The following NBEA variants were observed in gnomAD, a reference collection of about 807,000 sequenced individuals.
NBEA encodes lysosomal-trafficking regulator 2.
Under a neutral mutation model 343.4 loss-of-function variants are expected in NBEA, and 44 were observed. That is an observed-to-expected ratio of 0.13 (90% CI 0.10 to 0.16). The LOEUF is 0.16. Among genes scored for constraint, NBEA ranks in the 10% least tolerant of loss-of-function variants. NBEA has a pLI of 1.00. For synonymous variants in NBEA, 1,175 were observed against 1,238.7 expected, an observed-to-expected ratio of 0.95 and a Z score of 1.08; for missense variants, 2,555 against 3,631.3, an observed-to-expected ratio of 0.70 and a Z score of 7.62.
chr13:35,217,543 G>C (rs1303651860), intron 33 of NBEA, among the ~76,000 whole-genome samples: 1 of 152,022 alleles, frequency 6.6e-6, no homozygotes, highest in African/African-American at 2.4e-5. Flanking sequence ...GCTGATGTCT[G>C]TGTAAGGTGT....
chr13:35,056,713 G>A (rs1159803647), intron 7 of NBEA, among the ~76,000 whole-genome samples: 2 of 152,034 alleles, frequency 1.3e-5, no homozygotes, highest in East Asian at 1.9e-4. Context: ...GGAGGAAGAG[G>A]CAAAATAATA....
intron 40 of NBEA, among the ~76,000 whole-genome samples, chr13:35,452,602 T>C (rs1427150928): frequency 6.6e-6 from 1 of 152,166 alleles, no homozygotes; most frequent in Non-Finnish European, 1.5e-5. Flanking sequence ...GCCAAGGTCC[T>C]TTTCCCAGGT....
At chr13:35,449,680 A>C (rs995685892) in intron 39 of NBEA, among the ~76,000 whole-genome samples, 1 of 152,178 alleles carries the variant, frequency 6.6e-6, no homozygotes, top group African/African-American at 2.4e-5. Flanking sequence ...ATCACCAAAA[A>C]TCAAATAGAA....
chr13:35,377,114 T>A (rs1379124837), intron 38 of NBEA, among the ~76,000 whole-genome samples: 1 of 152,162 alleles, frequency 6.6e-6, no homozygotes, highest in Non-Finnish European at 1.5e-5. Context: ...GTTGGTTAGT[T>A]TTAAAATTTT....
intron 45 of NBEA, among the ~76,000 whole-genome samples, chr13:35,574,461 G>T (rs1465871725): frequency 6.6e-6 from 1 of 151,970 alleles, no homozygotes; most frequent in Admixed American, 6.5e-5. Flanking sequence ...CAGTAAGAAT[G>T]AGTTCTTTTA....
intron 33 of NBEA, among the ~76,000 whole-genome samples, chr13:35,223,092 A>G (rs1416042128): frequency 6.6e-6 from 1 of 152,220 alleles, no homozygotes; most frequent in Non-Finnish European, 1.5e-5. Context: ...AGACTGTGCC[A>G]CTGCACTCTA....
intron 41 of NBEA, among the ~76,000 whole-genome samples, chr13:35,484,267 TGTGTGTGTA>T (rs1400724211): frequency 3.7e-5 from 5 of 135,754 alleles, no homozygotes; most frequent in Admixed American, 7.7e-5. Context: ...TGTGTGTGTG[TGTGTGTGTA>T]TATATATATA....
chr13:35,434,955 T>G (rs2045339411), intron 39 of NBEA, among the ~76,000 whole-genome samples: 2 of 152,202 alleles, frequency 1.3e-5, no homozygotes, highest in South Asian at 4.1e-4. Flanking sequence ...AAGGAAAGAC[T>G]GAGAAAATAT....
At chr13:35,487,861 G>C (rs1947712) in intron 41 of NBEA, among the ~76,000 whole-genome samples, 148,802 of 151,894 alleles carry the variant, frequency 0.98, 72,963 homozygotes, top group East Asian at 1. Context: ...CTGTTCAGGA[G>C]CCATTCTGGT....
chr13:35,067,277 A>G (rs556885563), intron 8 of NBEA, among the ~76,000 whole-genome samples: 1 of 152,188 alleles, frequency 6.6e-6, no homozygotes, highest in East Asian at 1.9e-4. Context: ...TACCACTTGG[A>G]GTCGTTTCCT....
intron 1 of NBEA, among the ~76,000 whole-genome samples, chr13:35,034,695 A>G (rs2062373778): frequency 6.6e-6 from 1 of 151,738 alleles, no homozygotes. Context: ...TTTTATTACA[A>G]CTTCAGTCTT....
chr13:35,617,416 C>T (rs189010407), intron 48 of NBEA, among the ~76,000 whole-genome samples: 46 of 152,226 alleles, frequency 3.0e-4, no homozygotes, highest in African/African-American at 1.1e-3. Context: ...TTGAAAAGTG[C>T]TTATTGTTTC....
intron 38 of NBEA, among the ~76,000 whole-genome samples, chr13:35,369,802 G>A (rs1169991281): frequency 6.6e-6 from 1 of 151,898 alleles, no homozygotes; most frequent in East Asian, 1.9e-4. Flanking sequence ...AAGAAGGATG[G>A]TTTGATTTCT....
intron 1 of NBEA, among the ~76,000 whole-genome samples, chr13:34,962,132 C>CT (rs1329290762): frequency 2.0e-5 from 3 of 151,842 alleles, no homozygotes; most frequent in Non-Finnish European, 4.4e-5. Context: ...GTATCTGTGA[C>CT]TTGCGCTGTA....
intron 33 of NBEA, among the ~76,000 whole-genome samples, chr13:35,214,254 G>A (rs1056067063): frequency 6.6e-6 from 1 of 151,772 alleles, no homozygotes; most frequent in Non-Finnish European, 1.5e-5. Context: ...ATTTCTTATG[G>A]CTGAACACTA....
intron 41 of NBEA, among the ~76,000 whole-genome samples, chr13:35,527,059 C>T (rs1328469033): frequency 1.3e-5 from 2 of 152,152 alleles, no homozygotes; most frequent in East Asian, 3.9e-4. Flanking sequence ...TTCTTATCTC[C>T]CACAACATGG....
chr13:35,429,370 G>GTA (rs2044934760), intron 38 of NBEA, among the ~76,000 whole-genome samples: 1 of 152,178 alleles, frequency 6.6e-6, no homozygotes, highest in Non-Finnish European at 1.5e-5. Context: ...TTTGGCTGGA[G>GTA]TATAGCAGTT....
chr13:35,210,898 C>T (rs1170940845), intron 32 of NBEA, among the ~76,000 whole-genome samples, 155 bp from the exon 33 acceptor site: 2 of 152,060 alleles, frequency 1.3e-5, no homozygotes, highest in South Asian at 4.1e-4. Flanking sequence ...AAATTATGTT[C>T]ATTAGCATAC....
intron 1 of NBEA, among the ~76,000 whole-genome samples, chr13:34,972,070 G>A (rs1046720982): frequency 2.0e-5 from 3 of 151,962 alleles, no homozygotes; most frequent in African/African-American, 7.3e-5. Flanking sequence ...AGTCTTGGCA[G>A]GGTATATGTG....
Sources: gnomAD v4.1 joint callset for allele counts (sites outside exome capture counted in the v4.1 genomes callset) on GRCh38, gnomAD v4.1.1 for gene constraint, MANE v1.5 for transcripts, NCBI Gene and HGNC (gene_info 2026-07-23, HGNC 2026-07-21) for gene names.